Variants in USP20 observed in about 807,000 individuals in gnomAD.
USP20 encodes ubiquitin carboxyl-terminal hydrolase 20.
Under a neutral mutation model 124.2 loss-of-function variants are expected in USP20, and 80 were observed. The ratio of observed to expected loss-of-function variants is 0.64; its 90% CI spans 0.54 to 0.78. The LOEUF (loss-of-function observed/expected upper bound fraction) is 0.78, where lower values mean the gene tolerates loss of function less well. Among genes scored for constraint, USP20 ranks in the 30% least tolerant of loss-of-function variants. The pLI is 0.00. For synonymous variants in USP20, 481 were observed against 512.3 expected (o/e 0.94, Z 0.83); for missense variants, 1,043 against 1,244.4 (o/e 0.84, Z 2.44).
At chr9:129,858,395 A>G (rs1588261589) in intron 5 of USP20, 72 bp from the exon 6 acceptor site, 1 of 1,600,468 alleles carries the variant, frequency 6.2e-7, no homozygotes, top group Admixed American at 1.7e-5. Flanking sequence ...TGGGGAGCGG[A>G]GCAGCCATTA....
At position 129,856,262 on chromosome 9, in the gene USP20, G is replaced by A. The variant is rs113476182; in HGVS notation, c.82-45G>A. On this transcript the variant is annotated intron_variant, in intron 3 of 25. Coordinates refer to ENST00000372429, the MANE Select transcript of USP20 (RefSeq NM_001110303.4). ...CAGTCTCAGTGCTCAGCCCCGCAAC[G>A]GGCTCCTCATGCCTGCTCTTTTTCT... The A allele has an allele frequency of 6.5e-5, 104 of 1,595,130 alleles. No homozygotes were observed. The African/African-American group carries it at 9.5e-4, about 15-fold the overall frequency.
chr9:129,860,807 A>G, intron 6 of USP20, 130 bp from the exon 7 acceptor site: 1 of 865,928 alleles, frequency 1.2e-6, no homozygotes, highest in East Asian at 2.4e-5. Flanking sequence ...CCTTCTGCTC[A>G]GCTGGACTGG....
At chr9:129,872,773 T>C (rs2034186878) in intron 15 of USP20, among the ~76,000 whole-genome samples, 1 of 152,164 alleles carries the variant, frequency 6.6e-6, no homozygotes, top group African/African-American at 2.4e-5. Context: ...TGACCCCAGC[T>C]ACTCCGGAGG....
In USP20 at chr9:129,851,660, C is replaced by T. The variant is rs1311364516; in HGVS notation, c.-16-880C>T. Among the ~76,000 whole-genome samples, 3 of 152,178 alleles carry T rather than the reference C, an allele frequency of 2.0e-5. No homozygotes were observed. In the East Asian group the frequency reaches 5.8e-4, roughly 29 times the overall value. On this transcript the variant is annotated intron_variant, in intron 2 of 25. Coordinates refer to ENST00000372429, the MANE Select transcript of USP20 (RefSeq NM_001110303.4). ...TTTCTAAGACAGATATCTTTTTATA[C>T]CCCTGATTTAAAAGGGAAAGAAACG...
intron 10 of USP20, among the ~76,000 whole-genome samples, chr9:129,866,738 A>G (rs2033838212): frequency 6.6e-6 from 1 of 152,258 alleles, no homozygotes; most frequent in Admixed American, 6.5e-5. Flanking sequence ...CTTAAGGGCC[A>G]AAAGACTCTT....
chr9:129,843,741 AAAAACAAAAC>A (rs761846207), intron 1 of USP20, among the ~76,000 whole-genome samples: 4 of 152,032 alleles, frequency 2.6e-5, no homozygotes, highest in African/African-American at 9.7e-5. Flanking sequence ...TCCATCTCAA[AAAAACAAAAC>A]AAAACAAAAC....
In USP20 at chr9:129,879,726, G is replaced by A. The variant is rs1302317098; in HGVS notation, c.2584+82G>A. ...GCTGCCCAGTCCCGTCCTTCCAGGAGCCCCCTTACCACCTGTCTTAGAGTC... is the reference window on the plus strand; with the variant it reads ...GCTGCCCAGTCCCGTCCTTCCAGGAACCCCCTTACCACCTGTCTTAGAGTC... On this transcript the variant is annotated intron_variant, in intron 24 of 25. Coordinates refer to ENST00000372429, the MANE Select transcript of USP20 (RefSeq NM_001110303.4). The surrounding 1 kb of genome is among the most constrained non-coding windows in gnomAD (Gnocchi z 4.2). 2.7e-6 allele frequency: 4 copies of A among 1,509,392 alleles called. No homozygotes were observed. In the South Asian group the frequency reaches 3.4e-5, roughly 13 times the overall value. 93.5% of individuals were successfully genotyped at this position (1,509,392 alleles called of 1,614,324 possible). A position where few individuals can be genotyped will look rare whatever the true frequency, so the allele number is the denominator to read the frequency against.
chr9:129,878,647 T>A (rs1451343570), intron 23 of USP20, among the ~76,000 whole-genome samples: 1 of 152,238 alleles, frequency 6.6e-6, no homozygotes, highest in Non-Finnish European at 1.5e-5. Flanking sequence ...AAGCTGCTCC[T>A]GCTCTGCGCC....
At chr9:129,877,042 A>G (rs1393991841) in intron 22 of USP20, among the ~76,000 whole-genome samples, 1 of 152,084 alleles carries the variant, frequency 6.6e-6, no homozygotes, top group East Asian at 1.9e-4. Flanking sequence ...CAAGGTGCAA[A>G]CCAGGACTCA....
At chr9:129,836,837 G>A (rs1250040716) in intron 1 of USP20, among the ~76,000 whole-genome samples, 1 of 152,082 alleles carries the variant, frequency 6.6e-6, no homozygotes, top group Non-Finnish European at 1.5e-5. Flanking sequence ...GTCCCTGTCA[G>A]ATGATGGAGA....
chr9:129,866,478 G>A (rs2033825153), intron 10 of USP20, among the ~76,000 whole-genome samples: 1 of 152,218 alleles, frequency 6.6e-6, no homozygotes, highest in Non-Finnish European at 1.5e-5. Flanking sequence ...CCCTCACCCA[G>A]GTCACACAGC....
At position 129,878,349 on chromosome 9, in the gene USP20, C is replaced by G. The variant is rs752563575; in HGVS notation, c.2421C>G (p.Ala807=). The G allele has an allele frequency of 2.5e-6, 4 of 1,593,822 alleles. No individual in the cohort carries two copies. The highest frequency in any genetic ancestry group is 3.5e-5 in the Admixed American group (2 of 56,560). The part of the protein sequence containing the change: ...EIDTFIKLNK[A]FQAEESPGVI... Reference sequence around the variant, plus strand: ...TGCCCGCCTGCCAGTTGAACAAGGCCTTCCAGGCCGAGGAGTCGCCGGGCG... The same window carrying G: ...TGCCCGCCTGCCAGTTGAACAAGGCGTTCCAGGCCGAGGAGTCGCCGGGCG... The change falls in exon 23 of 26, where the codon GCC becomes GCG. Residue 807 remains alanine (A), a synonymous_variant. Transcript: ENST00000372429.
At chr9:129,865,141 G>A (rs1169541767) in intron 9 of USP20, among the ~76,000 whole-genome samples, 162 bp from the exon 10 acceptor site, 1 of 152,208 alleles carries the variant, frequency 6.6e-6, no homozygotes, top group Admixed American at 6.5e-5. Context: ...CTTGTCTGTA[G>A]AGATGTGTGA....
At chr9:129,852,449 A>G in intron 2 of USP20, 91 bp from the exon 3 acceptor site, 2 of 1,159,996 alleles carry the variant, frequency 1.7e-6, no homozygotes, top group East Asian at 2.6e-5. Flanking sequence ...ACCAGGACTC[A>G]AGGCCAAAGT....
At chr9:129,857,211 G>C (rs181590776) in intron 4 of USP20, among the ~76,000 whole-genome samples, 2 of 152,200 alleles carry the variant, frequency 1.3e-5, no homozygotes, top group Non-Finnish European at 2.9e-5. Flanking sequence ...AAGACACTGC[G>C]TATCCAGGGG....
intron 15 of USP20, 28 bp from the exon 16 acceptor site, chr9:129,873,454 C>G (rs1386289668): frequency 1.2e-6 from 2 of 1,613,954 alleles, no homozygotes; most frequent in Non-Finnish European, 1.7e-6. Context: ...TCCTTGCTAA[C>G]CTCTGACCCT....
intron 7 of USP20, 125 bp downstream of exon 7, chr9:129,861,158 C>A: frequency 1.1e-6 from 1 of 913,584 alleles, no homozygotes; most frequent in South Asian, 1.5e-5. Flanking sequence ...GATGGGGTGA[C>A]GGATAAGCTG....
chr9:129,879,341 G>T lies in USP20; in HGVS notation c.2513-232G>T, dbSNP rs968563621. On this transcript the variant is annotated intron_variant, in intron 23 of 25. Transcript: ENST00000372429. The surrounding 1 kb of genome is among the most constrained non-coding windows in gnomAD (Gnocchi z 4.2). ...GAGATAAGGGCATGGGCCATCCACC[G>T]CAGCTCCTGCGGCCAGCACAGAGTC... The T allele has an allele frequency of 3.7e-6, 2 of 535,278 alleles. No individual in the cohort carries two copies. The highest frequency in any genetic ancestry group is 6.7e-6 in the Non-Finnish European group (2 of 299,796). 33.2% of individuals were successfully genotyped at this position (535,278 alleles called of 1,614,324 possible).
At chr9:129,870,430 CT>C in intron 14 of USP20, 22 bp from the exon 15 acceptor site, 2 of 1,612,624 alleles carry the variant, frequency 1.2e-6, no homozygotes, top group Non-Finnish European at 8.5e-7. Context: ...GGCAGCACCC[CT>C]GCACTCCTTT....
Sources: gnomAD v4.1 joint callset for allele counts (sites outside exome capture counted in the v4.1 genomes callset) on GRCh38, gnomAD v4.1.1 for gene constraint, Gnocchi (gnomAD v3.1) non-coding constraint, MANE v1.5 for transcripts, NCBI Gene and HGNC (gene_info 2026-07-23, HGNC 2026-07-21) for gene names.